DUSP10: variants seen among roughly 807,000 people sequenced by gnomAD.
DUSP10 encodes dual specificity protein phosphatase 10.
A neutral mutation model predicts 30.8 loss-of-function variants in DUSP10; 14 were observed. That is an observed-to-expected ratio of 0.46 (90% confidence interval 0.30 to 0.71). The LOEUF is 0.71. Ranked by LOEUF, DUSP10 falls within the 30% of genes least tolerant of loss-of-function variation. The pLI, the probability that DUSP10 is intolerant of heterozygous loss-of-function variation, is 0.08. For missense variants in DUSP10, 550 were observed against 619.4 expected (o/e 0.89, Z 1.19); for synonymous variants, 254 against 250.4 (o/e 1.01, Z -0.14).
intron 2 of DUSP10, among the ~76,000 whole-genome samples, chr1:221,735,670 T>C (rs1335194902): frequency 6.6e-6 from 1 of 152,206 alleles, no homozygotes; most frequent in Non-Finnish European, 1.5e-5. Context: ...TGAAAATGTT[T>C]ATAATAACAT....
intron 2 of DUSP10, among the ~76,000 whole-genome samples, chr1:221,717,561 A>G (rs1401422352): frequency 6.6e-6 from 1 of 152,078 alleles, no homozygotes; most frequent in Admixed American, 6.5e-5. Context: ...TTCTGAATGC[A>G]TTTTTTGTGG....
At position 221,728,634 on chromosome 1, in the gene DUSP10, ATTCT is replaced by A. The variant is rs1222606520; in HGVS notation, c.811+10296_811+10299del. 2.0e-5 allele frequency among the ~76,000 whole-genome samples: 3 copies of A among 152,166 alleles called. 1 individual carries two copies. The highest frequency in any genetic ancestry group is 4.4e-5 in the Non-Finnish European group (3 of 68,028). On this transcript the variant is annotated intron_variant, in intron 2 of 3. Transcript: ENST00000366899. ...AAAGGGCAATCATAACCTACTAGAG[ATTCT>A]TTCTTCACCTACTTGAGGGAAAACA... is the stretch of plus-strand genomic sequence containing the variant.
At chr1:221,730,838 ATATATC>A (rs138205109) in intron 2 of DUSP10, among the ~76,000 whole-genome samples, 3,606 of 152,254 alleles carry the variant, frequency 0.024, 140 homozygotes, top group African/African-American at 0.083. Context: ...CTATATATCT[ATATATC>A]TATATGTAAC....
At chr1:221,710,252 C>A (rs751464985) in intron 2 of DUSP10, among the ~76,000 whole-genome samples, 1 of 151,980 alleles carries the variant, frequency 6.6e-6, no homozygotes, top group Non-Finnish European at 1.5e-5. Flanking sequence ...CATGAGAGCC[C>A]TAAGTGCAGT....
intron 2 of DUSP10, among the ~76,000 whole-genome samples, chr1:221,736,605 G>T (rs751197698): frequency 3.9e-5 from 6 of 152,136 alleles, no homozygotes; most frequent in Non-Finnish European, 8.8e-5. Flanking sequence ...GTGGTGCTAT[G>T]GTATTAATCT....
chr1:221,728,243 A>G (rs1661482710), intron 2 of DUSP10, among the ~76,000 whole-genome samples: 1 of 152,224 alleles, frequency 6.6e-6, no homozygotes, highest in African/African-American at 2.4e-5. Flanking sequence ...AATCTCAGGT[A>G]TTCTGTTTTA....
At chr1:221,740,586 C>A (rs1447221322) in intron 1 of DUSP10, among the ~76,000 whole-genome samples, 1 of 152,192 alleles carries the variant, frequency 6.6e-6, no homozygotes, top group East Asian at 1.9e-4. Context: ...CACCTGCCCC[C>A]GCCCTCATTC....
chr1:221,731,903 G>A (rs1571829364), intron 2 of DUSP10, among the ~76,000 whole-genome samples: 1 of 151,720 alleles, frequency 6.6e-6, no homozygotes, highest in African/African-American at 2.4e-5. Flanking sequence ...CACCACACCC[G>A]GCTGGCTATT....
chr1:221,706,039 A>C lies in DUSP10; in HGVS notation c.1183+56T>G. On this transcript the variant is annotated intron_variant, in intron 3 of 3. Transcript: ENST00000366899. This position sits in a 1 kb window ranked among gnomAD's most constrained non-coding sequence, Gnocchi z 4.6. ...AAACCTTGAACTTGATATCAAAGCA[A>C]GAGCTGGAGGGAAAAGGAAGGCAGC... is the stretch of plus-strand genomic sequence containing the variant. 1.9e-6 allele frequency: 3 copies of C among 1,563,024 alleles called. No homozygotes were observed. Among genetic ancestry groups the C allele is most frequent in the Non-Finnish European group, 1.7e-6 (2 of 1,154,376 alleles).
chr1:221,704,332 A>G (rs1571804859), intron 3 of DUSP10, among the ~76,000 whole-genome samples: 1 of 149,220 alleles, frequency 6.7e-6, no homozygotes, highest in African/African-American at 2.5e-5. Context: ...AAAAAAAAAA[A>G]AGGCAGGTAA....
chr1:221,701,482 AT>A lies in DUSP10; in HGVS notation c.*929del, dbSNP rs5781244. On this transcript the variant is annotated 3_prime_UTR_variant, in exon 4 of 4. Coordinates refer to ENST00000366899, the MANE Select transcript of DUSP10 (RefSeq NM_007207.6). ...ACACAATCAACAGAAACACACCAAGATTTTTTTTTTTTTTGCGAAAAATATT... is the reference window on the plus strand; with the variant it reads ...ACACAATCAACAGAAACACACCAAGATTTTTTTTTTTTTGCGAAAAATATT... The A allele has an allele frequency of 0.58, 82,325 of 141,050 alleles. 24,560 individuals carry two copies. The highest frequency in any genetic ancestry group is 0.77 in the African/African-American group (29,308 of 38,128). The allele number at this position is 141,050 out of a possible 1,614,324, so 8.7% of individuals were successfully genotyped here. A position where few individuals can be genotyped will look rare whatever the true frequency, so the allele number is the denominator to read the frequency against.
chr1:221,729,435 G>T lies in DUSP10; in HGVS notation c.811+9499C>A, dbSNP rs1661513613. On this transcript the variant is annotated intron_variant, in intron 2 of 3. Coordinates refer to ENST00000366899, the MANE Select transcript of DUSP10 (RefSeq NM_007207.6). ...CAAATAGATATGGCCAGCCTGAAAA[G>T]AATTTGGGCTTTGAAATCATAAGAA... 2.0e-5 allele frequency among the ~76,000 whole-genome samples: 3 copies of T among 152,196 alleles called. No individual in the cohort carries two copies. The South Asian group carries it at 6.2e-4, about 32-fold the overall frequency.
intron 2 of DUSP10, among the ~76,000 whole-genome samples, chr1:221,713,166 A>T (rs1660992179): frequency 6.6e-6 from 1 of 152,216 alleles, no homozygotes; most frequent in African/African-American, 2.4e-5. Flanking sequence ...ACCATCCTGC[A>T]GAGGCAACCC....
chr1:221,725,689 T>C (rs1388412722), intron 2 of DUSP10, among the ~76,000 whole-genome samples: 4 of 152,244 alleles, frequency 2.6e-5, no homozygotes, highest in Non-Finnish European at 2.9e-5. Context: ...ATCTTTCCAT[T>C]CTGATGTGTT....
chr1:221,731,147 T>C (rs1428269320), intron 2 of DUSP10, among the ~76,000 whole-genome samples: 1 of 152,240 alleles, frequency 6.6e-6, no homozygotes, highest in African/African-American at 2.4e-5. Flanking sequence ...AATTTGTTGA[T>C]GAGGGATTCA....
chr1:221,702,816 T>A lies in DUSP10; in HGVS notation c.1184-139A>T. 1.1e-6 allele frequency: 1 copy of A among 870,750 alleles called. No homozygotes were observed. The highest frequency in any genetic ancestry group is 2.7e-5 in the East Asian group (1 of 37,712). 53.9% of individuals were successfully genotyped at this position (870,750 alleles called of 1,614,324 possible). ...AAAACAGTTTTAAAGCCAAGTATAATCCACTAGTTCATTACGTATACTTAT... is the reference window on the plus strand; with the variant it reads ...AAAACAGTTTTAAAGCCAAGTATAAACCACTAGTTCATTACGTATACTTAT... On this transcript the variant is annotated intron_variant, in intron 3 of 3. Coordinates refer to ENST00000366899, the MANE Select transcript of DUSP10 (RefSeq NM_007207.6). The surrounding 1 kb of genome is among the most constrained non-coding windows in gnomAD (Gnocchi z 4.5).
intron 2 of DUSP10, among the ~76,000 whole-genome samples, chr1:221,724,290 T>C (rs1052934090): frequency 6.6e-6 from 1 of 152,192 alleles, no homozygotes; most frequent in Non-Finnish European, 1.5e-5. Context: ...ATTACCACAT[T>C]GAGATCGGCA....
intron 1 of DUSP10, among the ~76,000 whole-genome samples, chr1:221,741,441 A>G (rs1348548540): frequency 8.1e-6 from 1 of 123,212 alleles, no homozygotes; most frequent in Non-Finnish European, 1.9e-5. Flanking sequence ...GAGTGTATAG[A>G]GAGACCTGCA....
intron 2 of DUSP10, among the ~76,000 whole-genome samples, chr1:221,710,955 G>A (rs1036247597): frequency 3.3e-5 from 5 of 152,128 alleles, no homozygotes; most frequent in Non-Finnish European, 5.9e-5. Flanking sequence ...GCGGGGTGGG[G>A]GGGCAGCAAA....
Sources: allele counts gnomAD v4.1 joint callset (sites outside exome capture counted in the v4.1 genomes callset), GRCh38; gene constraint gnomAD v4.1.1; non-coding constraint Gnocchi (gnomAD v3.1); transcripts MANE v1.5; gene names NCBI Gene and HGNC (gene_info 2026-07-23, HGNC 2026-07-21).